Variants in HOXA3 observed in about 807,000 individuals in gnomAD.
The protein encoded by HOXA3 is homeobox protein Hox-A3.
In HOXA3, 8 loss-of-function variants were observed where a neutral mutation model predicts 30.3. The ratio of observed to expected loss-of-function variants is 0.26; its 90% confidence interval spans 0.15 to 0.48. The LOEUF is 0.48. Ranked by LOEUF, HOXA3 falls within the 20% of genes least tolerant of loss-of-function variation. HOXA3 has a pLI of 0.99. For synonymous variants in HOXA3, 323 were observed against 273.1 expected (o/e 1.18, Z -1.80); for missense variants, 653 against 614.4 (o/e 1.06, Z -0.66).
At chr7:27,129,671 ACAT>A in intron 2 of HOXA3, 3 of 1,276,192 alleles carry the variant, frequency 2.4e-6, no homozygotes, top group South Asian at 2.5e-5. Flanking sequence ...GAGCAATTGG[ACAT>A]CATCATTATA....
intron 4 of HOXA3, among the ~76,000 whole-genome samples, chr7:27,112,038 A>C (rs1482949855): frequency 2.0e-5 from 3 of 152,196 alleles, no homozygotes; most frequent in Non-Finnish European, 2.9e-5. Context: ...AAAATCTAAA[A>C]AGCAGTTGAA....
At chr7:27,151,574 G>A (rs892397861) in intron 1 of HOXA3, 9 of 456,502 alleles carry the variant, frequency 2.0e-5, no homozygotes, top group Admixed American at 2.3e-5. Context: ...CTCCAACACA[G>A]AATTCCACCC....
chr7:27,113,708 C>A lies in HOXA3; in HGVS notation c.-120-2948G>T, dbSNP rs939769194. 1 of 152,254 alleles carries A rather than the reference C, an allele frequency of 6.6e-6. No individual in the cohort carries two copies. The highest frequency in any genetic ancestry group is 6.5e-5 in the Admixed American group (1 of 15,288). 9.4% of individuals were successfully genotyped at this position (152,254 alleles called of 1,614,324 possible). On this transcript the variant is annotated intron_variant, in intron 4 of 5. Transcript: ENST00000612286. This position sits in a 1 kb window ranked among gnomAD's most constrained non-coding sequence, Gnocchi z 4.8. ...GCCTGGCTTGGCGGCCCGGCCGGGT[C>A]CCCTCGGCGCGGGATGGGCACGGAC...
In HOXA3 at chr7:27,108,292, A is replaced by G; in HGVS notation, c.955T>C (p.Cys319Arg). 1 of 1,519,502 alleles carries G rather than the reference A, an allele frequency of 6.6e-7. No individual in the cohort carries two copies. Among genetic ancestry groups the G allele is most frequent in the Non-Finnish European group, 8.8e-7 (1 of 1,134,154 alleles). The allele number at this position is 1,519,502 out of a possible 1,614,324, so 94.1% of individuals were successfully genotyped here. Reference sequence around the variant, plus strand: ...TTCTGTGGGGGTGGCGGGGGTGCGCAGCTGGGCAGGGACGCAGGGTAGGAG... The same window carrying G: ...TTCTGTGGGGGTGGCGGGGGTGCGCGGCTGGGCAGGGACGCAGGGTAGGAG... Reference protein sequence around the residue: ...PASYPASLPSCAPPPPPQKRY... With the variant: ...PASYPASLPSRAPPPPPQKRY... Residue 319 changes from cysteine (C) to arginine (R), a missense_variant, in exon 6 of 6, where the codon TGC (cysteine) becomes CGC (arginine). Physicochemically the swap from Cys to Arg is radical, Grantham distance 180. This residue lies in a region of HOXA3 where 330 missense variants were observed against 274.4 expected (regional missense o/e 1.20). Transcript: ENST00000612286. The surrounding 1 kb of genome is among the most constrained non-coding windows in gnomAD (Gnocchi z 5.0).
chr7:27,146,625 C>T (rs988986730), intron 1 of HOXA3, among the ~76,000 whole-genome samples: 3 of 152,108 alleles, frequency 2.0e-5, no homozygotes, highest in African/African-American at 7.2e-5. Context: ...GGATTTCTGG[C>T]AATGTAGGAT....
At chr7:27,123,854 GA>G in intron 3 of HOXA3, 1 of 152,272 alleles carries the variant, frequency 6.6e-6, no homozygotes. Context: ...AAAGGAAAAG[GA>G]CCCAGGATCC....
chr7:27,107,886 T>C lies in HOXA3; in HGVS notation c.*29A>G, dbSNP rs374216046. 2.0e-4 allele frequency: 227 copies of C among 1,112,442 alleles called. No individual in the cohort carries two copies. The highest frequency in any genetic ancestry group is 2.7e-4 in the Non-Finnish European group (218 of 818,978). 68.9% of individuals were successfully genotyped at this position (1,112,442 alleles called of 1,614,324 possible). ...AGAAAAAAGGTGGGTGGGGGGAGAC[T>C]CTCCTGGCGCGTAGCCCCAAGCCCA... On this transcript the variant is annotated 3_prime_UTR_variant, in exon 6 of 6. Coordinates refer to ENST00000612286, the MANE Select transcript of HOXA3 (RefSeq NM_153631.3).
chr7:27,147,489 G>T (rs1475075124), intron 1 of HOXA3: 3 of 1,614,110 alleles, frequency 1.9e-6, no homozygotes, highest in Non-Finnish European at 8.5e-7. Context: ...AGGGCGAGGC[G>T]CCACTGAGGT....
intron 1 of HOXA3, chr7:27,151,801 T>A: frequency 2.5e-6 from 1 of 401,020 alleles, no homozygotes; most frequent in South Asian, 1.8e-5. Flanking sequence ...CCTCACCTCT[T>A]CCCACCTTCC....
At chr7:27,137,898 G>C (rs1226997623) in intron 2 of HOXA3, among the ~76,000 whole-genome samples, 1 of 152,068 alleles carries the variant, frequency 6.6e-6, no homozygotes, top group Non-Finnish European at 1.5e-5. Context: ...ATGAAGTAGT[G>C]TGGATATTTT....
Position 27,152,415 on chromosome 7 carries a change from G to A in HOXA3, c.-621C>T. The A allele has an allele frequency of 8.6e-7, 1 of 1,157,064 alleles. No homozygotes were observed. The highest frequency in any genetic ancestry group is 1.1e-6 in the Non-Finnish European group (1 of 923,546). 71.7% of individuals were successfully genotyped at this position (1,157,064 alleles called of 1,614,324 possible). A position where few individuals can be genotyped will look rare whatever the true frequency, so the allele number is the denominator to read the frequency against. ...AATTAGCCAGGTTGCGAGTTGCAAA[G>A]CTGCTGCCGCGGCGCCGGGAACGGA... On this transcript the variant is annotated 5_prime_UTR_variant, in exon 1 of 6. Transcript: ENST00000612286.
At chr7:27,109,377 C>T (rs917630189) in intron 5 of HOXA3, among the ~76,000 whole-genome samples, 3 of 152,208 alleles carry the variant, frequency 2.0e-5, no homozygotes, top group African/African-American at 7.2e-5. Flanking sequence ...ACCCTTCTGT[C>T]TTCCCTGGCC....
At chr7:27,109,039 G>A (rs567927487) in intron 5 of HOXA3, among the ~76,000 whole-genome samples, 1 of 152,210 alleles carries the variant, frequency 6.6e-6, no homozygotes, top group African/African-American at 2.4e-5. Context: ...TTGGCCTATC[G>A]GACAACAGCC....
chr7:27,108,739 G>A lies in HOXA3; in HGVS notation c.527-19C>T, dbSNP rs368944703. 1.7e-5 allele frequency: 27 copies of A among 1,561,878 alleles called. No homozygotes were observed. The African/African-American group carries it at 2.0e-4, about 12-fold the overall frequency. On this transcript the variant is annotated intron_variant, in intron 5 of 5. Transcript: ENST00000612286. This position sits in a 1 kb window ranked among gnomAD's most constrained non-coding sequence, Gnocchi z 5.0. Reference sequence around the variant, plus strand: ...CTTTCGCCTGCGAGGACAGAGAGAGGAAGAGCGGCGTCAGGGGCTGCCGCG... The same window carrying A: ...CTTTCGCCTGCGAGGACAGAGAGAGAAAGAGCGGCGTCAGGGGCTGCCGCG...
intron 2 of HOXA3, chr7:27,134,377 A>C (rs188339498): frequency 6.6e-6 from 1 of 152,320 alleles, no homozygotes; most frequent in East Asian, 1.9e-4. Context: ...GAGGTTCAAA[A>C]TCCTCCAGAT....
chr7:27,121,141 TTAACA>T (rs1366704450), intron 4 of HOXA3: 2 of 152,124 alleles, frequency 1.3e-5, no homozygotes, highest in African/African-American at 4.8e-5. Flanking sequence ...AAAAGTACAC[TTAACA>T]TTTTTGTCCC....
chr7:27,108,112 C>G lies in HOXA3; in HGVS notation c.1135G>C (p.Gly379Arg). The change falls in exon 6 of 6, where the codon GGG (glycine) becomes CGG (arginine). Residue 379 changes from glycine to arginine, a missense_variant. Around this residue, in one of 3 missense-constraint regions of HOXA3, gnomAD observed 330 missense variants for 274.4 expected, o/e 1.20. Transcript: ENST00000612286. This position sits in a 1 kb window ranked among gnomAD's most constrained non-coding sequence, Gnocchi z 5.0. ...GSYVEPMSNS[G>R]PALFGLTHLP... ...TGAGTTAGACCAAAGAGGGCTGGCC[C>G]GGAGTTGCTCATGGGCTCCACATAG... 2 of 1,608,670 alleles carry G rather than the reference C, an allele frequency of 1.2e-6. No homozygotes were observed. Among genetic ancestry groups the G allele is most frequent in the Non-Finnish European group, 1.7e-6 (2 of 1,176,414 alleles).
chr7:27,147,396 C>A, intron 1 of HOXA3: 1 of 1,614,220 alleles, frequency 6.2e-7, no homozygotes, highest in Non-Finnish European at 8.5e-7. Context: ...CTTTGCCCTG[C>A]CCGCTGCTGC....
intron 4 of HOXA3, among the ~76,000 whole-genome samples, chr7:27,116,945 AT>A (rs1376234308): frequency 4.6e-5 from 7 of 151,260 alleles, no homozygotes; most frequent in Non-Finnish European, 1.0e-4. Context: ...GCCTGATTTG[AT>A]TTTTTTTTCA....
Sources: gnomAD v4.1 joint callset for allele counts (sites outside exome capture counted in the v4.1 genomes callset) on GRCh38, gnomAD v4.1.1 for gene constraint, gnomAD v4.1.1 regional missense constraint, Gnocchi (gnomAD v3.1) non-coding constraint, MANE v1.5 for transcripts, NCBI Gene and HGNC (gene_info 2026-07-23, HGNC 2026-07-21) for gene names.